The following EML6 variants were observed in gnomAD, a reference collection of about 807,000 sequenced individuals.
EML6 encodes the protein EMAP like 6, also known as echinoderm microtubule-associated protein-like 6.
Under a neutral mutation model 240.1 loss-of-function variants are expected in EML6, and 154 were observed. The ratio of observed to expected loss-of-function variants is 0.64; its 90% confidence interval spans 0.56 to 0.73. EML6 has a LOEUF of 0.73. Ranked by LOEUF, EML6 falls within the 30% of genes least tolerant of loss-of-function variation. EML6 has a pLI of 0.00. For missense variants in EML6, 2,964 were observed against 2,474.6 expected (o/e 1.20, Z -4.20); for synonymous variants, 1,148 against 899.0 (o/e 1.28, Z -4.95).
At chr2:54,745,087 G>A (rs1012133012) in intron 2 of EML6, among the ~76,000 whole-genome samples, 4 of 152,118 alleles carry the variant, frequency 2.6e-5, no homozygotes, top group African/African-American at 9.7e-5. Flanking sequence ...GGATGCTGGA[G>A]GCGAGTCTTT....
chr2:54,883,283 T>C (rs887055841), intron 17 of EML6, among the ~76,000 whole-genome samples: 1 of 152,228 alleles, frequency 6.6e-6, no homozygotes, highest in East Asian at 1.9e-4. Context: ...AACTGGTTTT[T>C]TTCACTCACT....
chr2:54,913,583 C>T (rs966687914), intron 25 of EML6, among the ~76,000 whole-genome samples: 1 of 152,134 alleles, frequency 6.6e-6, no homozygotes, highest in Non-Finnish European at 1.5e-5. Flanking sequence ...CAAATACTTT[C>T]TCCCATTCTG....
At chr2:54,940,421 C>A (rs961002955) in intron 28 of EML6, among the ~76,000 whole-genome samples, 3 of 151,958 alleles carry the variant, frequency 2.0e-5, no homozygotes, top group Non-Finnish European at 4.4e-5. Context: ...TTCTTTAATC[C>A]TTGATTCCTT....
intron 12 of EML6, among the ~76,000 whole-genome samples, chr2:54,861,723 C>G (rs1295633285): frequency 6.6e-6 from 1 of 151,630 alleles, no homozygotes; most frequent in African/African-American, 2.4e-5. Flanking sequence ...TGGTGAGATC[C>G]TTCTCCTATA....
At chr2:54,901,894 C>A (rs1188526228) in intron 22 of EML6, among the ~76,000 whole-genome samples, 2 of 152,206 alleles carry the variant, frequency 1.3e-5, no homozygotes, top group African/African-American at 2.4e-5. Context: ...CATACCTTTG[C>A]AAAGTCCATG....
chr2:54,790,770 G>T (rs765427461), intron 2 of EML6, among the ~76,000 whole-genome samples: 1 of 143,720 alleles, frequency 7.0e-6, no homozygotes, highest in Non-Finnish European at 1.5e-5. Flanking sequence ...CTGTCGCCCA[G>T]GCTGGAGTGC....
chr2:54,963,875 C>A, intron 36 of EML6, 111 bp from the exon 37 acceptor site: 1 of 899,656 alleles, frequency 1.1e-6, no homozygotes, highest in South Asian at 1.8e-5. Context: ...GATTTGGTGG[C>A]CTGCAGTGGC....
At chr2:54,952,251 A>G (rs997798846) in intron 30 of EML6, among the ~76,000 whole-genome samples, 5 of 152,154 alleles carry the variant, frequency 3.3e-5, no homozygotes, top group Non-Finnish European at 5.9e-5. Flanking sequence ...GTCCTGTGCC[A>G]TGGAGTGGAG....
intron 33 of EML6, 44 bp downstream of exon 33, chr2:54,958,042 C>CTGGGCATGGGCA (rs779810453): frequency 1.3e-6 from 2 of 1,501,166 alleles, no homozygotes; most frequent in Non-Finnish European, 1.8e-6. Flanking sequence ...CCCAGACCCC[C>CTGGGCATGGGCA]TGGGCATGGG....
rs531853888 is a variant in EML6 at position 54,923,882 on chromosome 2, A to T, written c.3676-4431A>T. On this transcript the variant is annotated intron_variant, in intron 26 of 41. Transcript: ENST00000356458. ...CTGTTTAAGAATTTCATATAAATGA[A>T]ATAGGTACTGCTTTTTATCCAGCTT... Among the ~76,000 whole-genome samples the T allele has an allele frequency of 3.9e-5, 6 of 152,320 alleles. No homozygotes were observed. The East Asian group carries it at 1.2e-3, about 29-fold the overall frequency.
intron 9 of EML6, among the ~76,000 whole-genome samples, chr2:54,848,552 T>C (rs200956264): frequency 0.011 from 225 of 20,540 alleles, no homozygotes; most frequent in Admixed American, 0.042. Flanking sequence ...CACACACACA[T>C]AAATTTCCAG....
chr2:54,964,966 G>A (rs1027230428), intron 38 of EML6, among the ~76,000 whole-genome samples: 6 of 152,198 alleles, frequency 3.9e-5, no homozygotes, highest in Admixed American at 3.9e-4. Flanking sequence ...AGAAAAACAG[G>A]AAACACAAGC....
At position 54,728,069 on chromosome 2, in the gene EML6, A is replaced by C. The variant is rs148089335; in HGVS notation, c.197+2811A>C. ...TGGAGGCTTAGTTTTATTCTCTTGAATATTACTTTTTAATTCAGATAACAG... is the reference window on the plus strand; with the variant it reads ...TGGAGGCTTAGTTTTATTCTCTTGACTATTACTTTTTAATTCAGATAACAG... On this transcript the variant is annotated intron_variant, in intron 2 of 41. Coordinates refer to ENST00000356458, the MANE Select transcript of EML6 (RefSeq NM_001039753.4). Among the ~76,000 whole-genome samples, 80 of 152,340 alleles carry C rather than the reference A, an allele frequency of 5.3e-4. 2 individuals carry two copies. The East Asian group carries it at 0.015, about 28-fold the overall frequency.
chr2:54,799,409 G>T (rs367998990), intron 2 of EML6, among the ~76,000 whole-genome samples: 1 of 146,712 alleles, frequency 6.8e-6, no homozygotes, highest in South Asian at 2.2e-4. Flanking sequence ...GTGGTGGCGC[G>T]ATCTCCGTTC....
intron 2 of EML6, among the ~76,000 whole-genome samples, chr2:54,796,040 T>A (rs908723859): frequency 6.6e-6 from 1 of 152,044 alleles, no homozygotes; most frequent in South Asian, 2.1e-4. Context: ...GAGATAAAAT[T>A]ACACAAATAA....
intron 24 of EML6, among the ~76,000 whole-genome samples, chr2:54,909,809 C>T (rs978012527): frequency 1.4e-5 from 2 of 147,588 alleles, no homozygotes; most frequent in Non-Finnish European, 3.0e-5. Flanking sequence ...ACACCACTGC[C>T]CACTGCACTC....
At chr2:54,824,475 T>C (rs554102735) in intron 5 of EML6, among the ~76,000 whole-genome samples, 86 of 152,270 alleles carry the variant, frequency 5.6e-4, no homozygotes, top group African/African-American at 1.7e-3. Context: ...CACTTTTTTT[T>C]CCCCAGAAAA....
intron 2 of EML6, among the ~76,000 whole-genome samples, chr2:54,763,094 G>C (rs1309624182): frequency 6.6e-6 from 1 of 152,000 alleles, no homozygotes; most frequent in Non-Finnish European, 1.5e-5. Context: ...GAGAAGTCTG[G>C]CTCACAAAAC....
chr2:54,742,952 T>C (rs1441489507), intron 2 of EML6, among the ~76,000 whole-genome samples: 1 of 152,232 alleles, frequency 6.6e-6, no homozygotes, highest in Admixed American at 6.5e-5. Flanking sequence ...CCGATTGATA[T>C]AAAGAGTTAA....
Sources: gnomAD v4.1 joint callset for allele counts (sites outside exome capture counted in the v4.1 genomes callset) on GRCh38, gnomAD v4.1.1 for gene constraint, MANE v1.5 for transcripts, NCBI Gene and HGNC (gene_info 2026-07-23, HGNC 2026-07-21) for gene names.